Variants in IGF2R observed in about 807,000 individuals in gnomAD.
The protein encoded by IGF2R is insulin like growth factor 2 receptor.
In IGF2R, 91 loss-of-function variants were observed where a neutral mutation model predicts 270.6. The observed-to-expected ratio is 0.34, with a 90% CI of 0.28 to 0.40. The LOEUF (loss-of-function observed/expected upper bound fraction) is 0.40, where lower values mean the gene tolerates loss of function less well. Among genes scored for constraint, IGF2R ranks in the 10% least tolerant of loss-of-function variants. IGF2R has a pLI of 1.00. For missense variants in IGF2R, 2,805 were observed against 3,188.3 expected (o/e 0.88, Z 2.90); for synonymous variants, 1,316 against 1,258.9 (o/e 1.05, Z -0.96).
intron 37 of IGF2R, among the ~76,000 whole-genome samples, chr6:160,079,031 G>A (rs925589673): frequency 1.3e-5 from 2 of 152,124 alleles, no homozygotes; most frequent in East Asian, 1.9e-4. Flanking sequence ...GCTGTGGCAC[G>A]GCGGCTGGTG....
rs1380705012 is a variant in IGF2R at position 160,079,574 on chromosome 6, G to T, written c.5479-6G>T. ...CTGCTGACGGCCACGCATGGTTTTT[G>T]TCCAGGTGACTCGCGACTCGCGCAC... On this transcript the variant is annotated splice_polypyrimidine_tract_variant and splice_region_variant and intron_variant, in intron 37 of 47. Coordinates refer to ENST00000356956, the MANE Select transcript of IGF2R (RefSeq NM_000876.4). 3.2e-5 allele frequency: 46 copies of T among 1,424,260 alleles called. No individual in the cohort carries two copies. Among genetic ancestry groups the T allele is most frequent in the Non-Finnish European group, 4.1e-5 (44 of 1,082,780 alleles). The allele number at this position is 1,424,260 out of a possible 1,614,324, so 88.2% of individuals were successfully genotyped here. A position where few individuals can be genotyped will look rare whatever the true frequency, so the allele number is the denominator to read the frequency against.
rs8191868 is a variant in IGF2R at position 160,068,194 on chromosome 6, A to G, written c.4116-55A>G. On this transcript the variant is annotated intron_variant, in intron 29 of 47. Transcript: ENST00000356956. The stretch of plus-strand genomic sequence containing the variant: ...TGAACGTTTCTAGACAGAGTGCCCA[A>G]TGTTTAAAGAGAATACGACCAAGCC... 1.9e-3 allele frequency: 3,056 copies of G among 1,601,156 alleles called. 56 individuals are homozygous for G. The African/African-American group carries it at 0.035, about 18-fold the overall frequency.
In IGF2R at chr6:160,027,292, C is replaced by G. The variant is rs8191754; in HGVS notation, c.754C>G (p.Leu252Val). ...AFDVGQPRDGLKLVRKDRLVL... is the reference protein window; with the variant it reads ...AFDVGQPRDGVKLVRKDRLVL... ...TGATGTTGGCCAGCCCCGGGACGGA[C>G]TGAAGCTGGTGCGCAAGGACAGGTC... The change falls in exon 6 of 48, where the codon CTG (leucine) becomes GTG (valine). Residue 252 changes from leucine to valine, a missense_variant. Physicochemically the swap from Leu to Val is conservative, Grantham distance 32. Around this residue, in one of 2 missense-constraint regions of IGF2R, gnomAD observed 954 missense variants for 981.1 expected, o/e 0.97. Coordinates refer to ENST00000356956, the MANE Select transcript of IGF2R (RefSeq NM_000876.4). 221,448 of 1,613,260 alleles carry G rather than the reference C, an allele frequency of 0.14. 15,701 individuals carry two copies. The highest frequency in any genetic ancestry group is 0.23 in the East Asian group (10,295 of 44,834).
Position 160,073,215 on chromosome 6 carries a change from G to A in IGF2R, c.4693G>A (p.Ala1565Thr), listed in dbSNP as rs765800626. Reference protein sequence around the residue: ...ENENCPPGVGACFGQTRISVG... With the variant: ...ENENCPPGVGTCFGQTRISVG... ...TCCGCCTTTCCCTTGTGGTGCAGGG[G>A]CCTGCTTTGGACAGACCAGGATTAG... Residue 1565 changes from alanine to threonine, a missense_variant and splice_region_variant, in exon 34 of 48, where the codon GCC becomes ACC. By Grantham distance (58) the Ala-to-Thr change is moderately conservative. This residue lies in a region of IGF2R where 1,851 missense variants were observed against 2,207.2 expected (regional missense o/e 0.84). Transcript: ENST00000356956. 6.2e-6 allele frequency: 10 copies of A among 1,613,630 alleles called. No individual in the cohort carries two copies. The highest frequency in any genetic ancestry group is 1.3e-5 in the African/African-American group (1 of 75,048).
At chr6:160,078,107 G>A in intron 36 of IGF2R, 94 bp from the exon 37 acceptor site, 1 of 1,252,292 alleles carries the variant, frequency 8.0e-7, no homozygotes, top group South Asian at 1.4e-5. Flanking sequence ...AGGCCGCTGT[G>A]GGTTATGCAC....
intron 15 of IGF2R, among the ~76,000 whole-genome samples, 193 bp from the exon 16 acceptor site, chr6:160,046,966 C>T (rs572321248): frequency 6.6e-4 from 100 of 152,284 alleles, no homozygotes; most frequent in African/African-American, 2.3e-3. Context: ...TCTAAACCAG[C>T]GGTGCCAAGA....
chr6:160,076,859 C>T (rs1055825639), intron 36 of IGF2R, among the ~76,000 whole-genome samples: 3 of 152,228 alleles, frequency 2.0e-5, no homozygotes, highest in Non-Finnish European at 4.4e-5. Flanking sequence ...TGAGAATTGC[C>T]TCTTAAAATC....
rs1454217623 is a variant in IGF2R at position 160,006,219 on chromosome 6, C to G, written c.290-2791C>G. ...GCCCCACGCGCCTCCCCCCTCGCGC[C>G]TCCCCCCTTCGCGCCTCCCTGTACC... On this transcript the variant is annotated intron_variant, in intron 2 of 47. Transcript: ENST00000356956. 4.4e-5 allele frequency: 7 copies of G among 157,692 alleles called. No individual in the cohort carries two copies. In the Admixed American group the frequency reaches 4.6e-4, roughly 10 times the overall value. 9.8% of individuals were successfully genotyped at this position (157,692 alleles called of 1,614,324 possible).
chr6:160,005,092 C>A (rs1273028154), intron 2 of IGF2R: 1 of 152,282 alleles, frequency 6.6e-6, no homozygotes, highest in East Asian at 1.9e-4. Context: ...AGGTTCCTCC[C>A]GTGTTGCAAG....
chr6:160,014,820 G>A (rs1777248162), intron 4 of IGF2R, among the ~76,000 whole-genome samples: 1 of 152,168 alleles, frequency 6.6e-6, no homozygotes, highest in Admixed American at 6.5e-5. Flanking sequence ...TATAGTCTGT[G>A]GCAATAATTT....
In IGF2R at chr6:160,106,072, C is replaced by T. The variant is rs1297178993; in HGVS notation, c.*988C>T. ...AAAAAAGTGTTGATCAACCATTCGA[C>T]CTATAAGAAGCCTTAATTTGCACAG... On this transcript the variant is annotated 3_prime_UTR_variant, in exon 48 of 48. Coordinates refer to ENST00000356956, the MANE Select transcript of IGF2R (RefSeq NM_000876.4). 6.6e-6 allele frequency: 1 copy of T among 152,556 alleles called. No homozygotes were observed. Among genetic ancestry groups the T allele is most frequent in the African/African-American group, 2.4e-5 (1 of 41,422 alleles). The allele number at this position is 152,556 out of a possible 1,614,324, so 9.5% of individuals were successfully genotyped here. A position where few individuals can be genotyped will look rare whatever the true frequency, so the allele number is the denominator to read the frequency against.
chr6:160,075,469 G>A (rs976993710), intron 35 of IGF2R, among the ~76,000 whole-genome samples: 6 of 152,296 alleles, frequency 3.9e-5, no homozygotes, highest in African/African-American at 1.4e-4. Context: ...TCAGGTGGTG[G>A]GAGGACCGTG....
chr6:159,986,402 T>TTGTGTGTGTG (rs56105769), intron 1 of IGF2R, among the ~76,000 whole-genome samples: 6 of 131,924 alleles, frequency 4.5e-5, no homozygotes, highest in African/African-American at 1.1e-4. Context: ...TGGCTAATTT[T>TTGTGTGTGTG]TGTGTGTGTG....
Position 160,050,722 on chromosome 6 carries a change from C to G in IGF2R, c.2694+70C>G. The G allele has an allele frequency of 1.4e-6, 2 of 1,391,076 alleles. No homozygotes were observed. Among genetic ancestry groups the G allele is most frequent in the Non-Finnish European group, 2.0e-6 (2 of 1,022,566 alleles). The allele number at this position is 1,391,076 out of a possible 1,614,324, so 86.2% of individuals were successfully genotyped here. A position where few individuals can be genotyped will look rare whatever the true frequency, so the allele number is the denominator to read the frequency against. ...TGACTGAGCGTTGCCTTATGTGTCT[C>G]TTAACAGCAGCAGTCTTGGGGTGGG... On this transcript the variant is annotated intron_variant, in intron 19 of 47. Transcript: ENST00000356956. The surrounding 1 kb of genome is among the most constrained non-coding windows in gnomAD (Gnocchi z 4.0).
chr6:160,043,268 A>T lies in IGF2R; in HGVS notation c.1601A>T (p.Asp534Val). The change falls in exon 12 of 48, where the codon GAC becomes GTC. Residue 534 changes from aspartate (D) to valine (V), a missense_variant. Physicochemically the swap from Asp to Val is radical, Grantham distance 152 (BLOSUM62 -3). Coordinates refer to ENST00000356956, the MANE Select transcript of IGF2R (RefSeq NM_000876.4). ...GGCAAGGCACGAGGGTGTCCCGAGG[A>T]CGCGGCAGTGTGTGCAGTGGGTGAG... ...QEGKARGCPE[D>V]AAVCAVDKNG... 6.2e-7 allele frequency: 1 copy of T among 1,614,172 alleles called. No homozygotes were observed. The highest frequency in any genetic ancestry group is 8.5e-7 in the Non-Finnish European group (1 of 1,180,020).
Position 160,029,641 on chromosome 6 carries a change from T to C in IGF2R, c.868T>C (p.Ser290Pro). Residue 290 changes from serine (S) to proline (P), a missense_variant, in exon 7 of 48, where the codon TCG becomes CCG. Ser to Pro is a moderately conservative substitution (Grantham distance 74). This residue lies in a region of IGF2R where 954 missense variants were observed against 981.1 expected (regional missense o/e 0.97). Coordinates refer to ENST00000356956, the MANE Select transcript of IGF2R (RefSeq NM_000876.4). ...GGTGACTATTACATTTGTTTGCCCG[T>C]CGGAGCGGAGAGAGGTAAGTGACTC... ...PAVTITFVCP[S>P]ERREGTIPKL... 1 of 1,612,994 alleles carries C rather than the reference T, an allele frequency of 6.2e-7. No individual in the cohort carries two copies. The highest frequency in any genetic ancestry group is 8.5e-7 in the Non-Finnish European group (1 of 1,178,974).
At chr6:159,997,501 T>C (rs559934278) in intron 2 of IGF2R, among the ~76,000 whole-genome samples, 1 of 152,122 alleles carries the variant, frequency 6.6e-6, no homozygotes, top group South Asian at 2.1e-4. Context: ...CCCGCACCAG[T>C]GTTTGGGTTT....
chr6:160,044,535 T>C lies in IGF2R; in HGVS notation c.1643T>C (p.Leu548Pro). 6.2e-7 allele frequency: 1 copy of C among 1,607,106 alleles called. No individual in the cohort carries two copies. The highest frequency in any genetic ancestry group is 8.5e-7 in the Non-Finnish European group (1 of 1,175,752). The stretch of plus-strand genomic sequence containing the variant: ...CCAGATAAAAATGGAAGTAAAAATC[T>C]GGGAAAATTTATTTCCTCTCCCATG... ...CAVDKNGSKN[L>P]GKFISSPMKE... The change falls in exon 13 of 48, where the codon CTG becomes CCG. Residue 548 changes from leucine to proline, a missense_variant. Transcript: ENST00000356956.
intron 26 of IGF2R, 112 bp downstream of exon 26, chr6:160,062,731 G>T: frequency 2.9e-6 from 2 of 701,018 alleles, no homozygotes; most frequent in Non-Finnish European, 4.8e-6. Context: ...GGGGTCATGA[G>T]ACACACGCTA....
Sources: gnomAD v4.1 joint callset for allele counts (sites outside exome capture counted in the v4.1 genomes callset) on GRCh38, gnomAD v4.1.1 for gene constraint, gnomAD v4.1.1 regional missense constraint, Gnocchi (gnomAD v3.1) non-coding constraint, MANE v1.5 for transcripts, NCBI Gene and HGNC (gene_info 2026-07-23, HGNC 2026-07-21) for gene names.